Variants in CACNA1C observed in about 807,000 individuals in gnomAD.
CACNA1C encodes the protein voltage-dependent L-type calcium channel subunit alpha-1C.
A neutral mutation model predicts 229.0 loss-of-function variants in CACNA1C; 30 were observed. The observed-to-expected ratio is 0.13, with a 90% CI of 0.10 to 0.18. The LOEUF is 0.18. CACNA1C is among the 10% of genes least tolerant of loss of function. The pLI is 1.00. For synonymous variants in CACNA1C, 1,114 were observed against 1,132.5 expected, an observed-to-expected ratio of 0.98 and a Z score of 0.33; for missense variants, 1,658 against 2,845.0, an observed-to-expected ratio of 0.58 and a Z score of 9.49.
At chr12:2,377,265 G>A (rs2238081) in intron 3 of CACNA1C, among the ~76,000 whole-genome samples, 45,336 of 152,034 alleles carry the variant, frequency 0.3, 7,542 homozygotes, top group Non-Finnish European at 0.38. Flanking sequence ...CCCGGCCCCC[G>A]TTCTGTTTGT....
intron 3 of CACNA1C, among the ~76,000 whole-genome samples, chr12:2,163,302 T>C (rs1378932960): frequency 6.6e-6 from 1 of 152,082 alleles, no homozygotes; most frequent in Non-Finnish European, 1.5e-5. Context: ...AACAGCCTTG[T>C]GACGTAGGCA....
At chr12:2,434,107 C>T (rs1252027284) in intron 3 of CACNA1C, among the ~76,000 whole-genome samples, 2 of 152,180 alleles carry the variant, frequency 1.3e-5, no homozygotes, top group African/African-American at 2.4e-5. Flanking sequence ...CCTGCGCTCC[C>T]TTCCTGCACC....
chr12:2,334,004 G>A (rs887894961), intron 3 of CACNA1C, among the ~76,000 whole-genome samples: 4 of 152,156 alleles, frequency 2.6e-5, no homozygotes, highest in Admixed American at 6.5e-5. Context: ...CAAACAGTAC[G>A]ATGCTGGGCA....
intron 1 of CACNA1C, among the ~76,000 whole-genome samples, chr12:2,002,914 A>C (rs182439945): frequency 1.3e-5 from 2 of 152,256 alleles, no homozygotes; most frequent in Admixed American, 1.3e-4. Flanking sequence ...CAAACAAACA[A>C]AAACAAACAA....
intron 6 of CACNA1C, among the ~76,000 whole-genome samples, chr12:2,491,659 G>A (rs1336162113): frequency 6.6e-6 from 1 of 151,936 alleles, no homozygotes; most frequent in African/African-American, 2.4e-5. Context: ...AGGAAGAGGA[G>A]GAGGAGGAGG....
intron 3 of CACNA1C, among the ~76,000 whole-genome samples, chr12:2,385,303 C>T (rs1373337157): frequency 2.0e-5 from 3 of 151,966 alleles, no homozygotes; most frequent in Non-Finnish European, 1.5e-5. Context: ...ACTGCACGGC[C>T]GGGCCAGAGG....
Position 2,108,795 on chromosome 12 carries a change from G to C in CACNA1C, c.50-6429G>C, listed in dbSNP as rs2080321814. 2.0e-5 allele frequency among the ~76,000 whole-genome samples: 3 copies of C among 152,220 alleles called. No individual in the cohort carries two copies. The highest frequency in any genetic ancestry group is 2.9e-5 in the Non-Finnish European group (2 of 68,046). ...CTCCAGCTATCTGTGTACTGCAATAGATAGGGAAGATTAATGGCCCAGCTT... is the reference window on the plus strand; with the variant it reads ...CTCCAGCTATCTGTGTACTGCAATACATAGGGAAGATTAATGGCCCAGCTT... On this transcript the variant is annotated intron_variant, in intron 1 of 46. Transcript: ENST00000399655. This position sits in a 1 kb window ranked among gnomAD's most constrained non-coding sequence, Gnocchi z 5.3.
intron 3 of CACNA1C, among the ~76,000 whole-genome samples, chr12:2,324,607 C>T (rs1567058330): frequency 6.6e-6 from 1 of 151,106 alleles, no homozygotes; most frequent in Non-Finnish European, 1.5e-5. Flanking sequence ...CTGCCAGGAC[C>T]CTGATGTTTC....
At chr12:2,008,106 C>CTTATTTAT (rs60812704) in intron 1 of CACNA1C, among the ~76,000 whole-genome samples, 59 of 151,934 alleles carry the variant, frequency 3.9e-4, no homozygotes, top group African/African-American at 9.7e-4. Context: ...TAAAGTTTTA[C>CTTATTTAT]TTATTTATTT....
chr12:2,573,087 T>C (rs2057038442), intron 13 of CACNA1C, among the ~76,000 whole-genome samples: 1 of 152,034 alleles, frequency 6.6e-6, no homozygotes, highest in South Asian at 2.1e-4. Flanking sequence ...TCTCACTCTG[T>C]CACCTAGGCT....
At chr12:2,518,380 G>A (rs532584066) in intron 9 of CACNA1C, among the ~76,000 whole-genome samples, 8 of 152,252 alleles carry the variant, frequency 5.3e-5, no homozygotes, top group Middle Eastern at 3.4e-3. Context: ...AGGCCGAGGC[G>A]GGTGGATCAT....
At chr12:2,532,823 C>G (rs1220589884) in intron 9 of CACNA1C, among the ~76,000 whole-genome samples, 19 of 152,210 alleles carry the variant, frequency 1.2e-4, no homozygotes, top group Admixed American at 1.1e-3. Context: ...GTACCCCAGG[C>G]AGTCGGGCCC....
At chr12:2,006,220 C>T (rs1048242821) in intron 1 of CACNA1C, among the ~76,000 whole-genome samples, 1 of 151,940 alleles carries the variant, frequency 6.6e-6, no homozygotes. Context: ...CCAGCCTGGC[C>T]AACATGGTGA....
chr12:2,545,212 A>AAT (rs2099878874), intron 9 of CACNA1C, among the ~76,000 whole-genome samples: 1 of 131,642 alleles, frequency 7.6e-6, no homozygotes. Flanking sequence ...CAAAACAATG[A>AAT]TTTTTTTTTT....
Position 2,401,938 on chromosome 12 carries a change from T to A in CACNA1C, c.478-47038T>A, listed in dbSNP as rs74892012. 1.3e-3 allele frequency among the ~76,000 whole-genome samples: 192 copies of A among 152,332 alleles called. 3 individuals carry two copies. The East Asian group carries it at 0.032, about 25-fold the overall frequency. On this transcript the variant is annotated intron_variant, in intron 3 of 46. Transcript: ENST00000399655. ...TATTTTTCTGTTACTTAAGGAAGGC[T>A]CTAGATATGGCATGAGCCTCTGACA...
At chr12:2,220,183 A>G (rs933128678) in intron 3 of CACNA1C, among the ~76,000 whole-genome samples, 3 of 152,180 alleles carry the variant, frequency 2.0e-5, no homozygotes, top group African/African-American at 7.2e-5. Context: ...TCAGATAGAT[A>G]TGTGCTGGAA....
chr12:2,135,639 C>A (rs1188590783), intron 3 of CACNA1C, among the ~76,000 whole-genome samples: 1 of 141,270 alleles, frequency 7.1e-6, no homozygotes, highest in Non-Finnish European at 1.5e-5. Context: ...GGTCAGGGAC[C>A]CACTTGAAGA....
chr12:2,614,189 G>A (rs148935910), intron 29 of CACNA1C: 218 of 152,362 alleles, frequency 1.4e-3, no homozygotes, highest in African/African-American at 5.1e-3. Context: ...AAACTGTAAA[G>A]TGCCTCCTAA....
intron 3 of CACNA1C, among the ~76,000 whole-genome samples, chr12:2,125,824 C>G (rs1264207332): frequency 6.6e-6 from 1 of 152,190 alleles, no homozygotes; most frequent in Non-Finnish European, 1.5e-5. Flanking sequence ...CCACAGGTTC[C>G]CTTTAGGATC....
Sources: gnomAD v4.1 joint callset for allele counts (sites outside exome capture counted in the v4.1 genomes callset) on GRCh38, gnomAD v4.1.1 for gene constraint, Gnocchi (gnomAD v3.1) non-coding constraint, MANE v1.5 for transcripts, NCBI Gene and HGNC (gene_info 2026-07-23, HGNC 2026-07-21) for gene names.